Variants in KLF5 observed in about 807,000 individuals in gnomAD.
The protein encoded by KLF5 is KLF transcription factor 5, also known as Krueppel-like factor 5.
A neutral mutation model predicts 36.9 loss-of-function variants in KLF5; 9 were observed. The ratio of observed to expected loss-of-function variants is 0.24; its 90% confidence interval spans 0.15 to 0.43. KLF5 has a LOEUF of 0.43. KLF5 is among the 20% of genes least tolerant of loss of function. The pLI, the probability that KLF5 is intolerant of heterozygous loss-of-function variation, is 1.00. For missense variants in KLF5, 524 were observed against 599.5 expected (o/e 0.87, Z 1.31); for synonymous variants, 246 against 241.7 (o/e 1.02, Z -0.17).
chr13:73,062,611 A>G lies in KLF5; in HGVS notation c.1012A>G (p.Ile338Val), dbSNP rs776691693. The G allele has an allele frequency of 3.7e-6, 6 of 1,614,240 alleles. No individual in the cohort carries two copies. Among genetic ancestry groups the G allele is most frequent in the Non-Finnish European group, 5.1e-6 (6 of 1,180,048 alleles). The change falls in exon 2 of 4, where the codon ATT (isoleucine) becomes GTT (valine). Residue 338 changes from isoleucine (I) to valine (V), a missense_variant. By Grantham distance (29) the Ile-to-Val change is conservative. Transcript: ENST00000377687. ...YAATIASKLA[I>V]HNPNLPTTLP... ...TGCTACAATTGCTTCTAAACTGGCA[A>G]TTCACAATCCAAATTTACCCACCAC...
intron 3 of KLF5, among the ~76,000 whole-genome samples, chr13:73,066,770 G>T (rs1388296065): frequency 1.3e-5 from 2 of 152,130 alleles, no homozygotes; most frequent in Non-Finnish European, 2.9e-5. Flanking sequence ...TGATATATCA[G>T]TTTCTTAAAC....
Position 73,075,911 on chromosome 13 carries a change from G to C in KLF5, c.*25G>C. 6.6e-7 allele frequency: 1 copy of C among 1,513,164 alleles called. No homozygotes were observed. The highest frequency in any genetic ancestry group is 2.4e-5 in the East Asian group (1 of 42,470). 93.7% of individuals were successfully genotyped at this position (1,513,164 alleles called of 1,614,324 possible). On this transcript the variant is annotated 3_prime_UTR_variant, in exon 4 of 4. Transcript: ENST00000377687. ...AGCACTGCCCGTGTGACCCGTTCCAGGTCCCCTGGGCTCCCTCAAATGACA... is the reference window on the plus strand; with the variant it reads ...AGCACTGCCCGTGTGACCCGTTCCACGTCCCCTGGGCTCCCTCAAATGACA...
Sources: gnomAD v4.1 joint callset for allele counts (sites outside exome capture counted in the v4.1 genomes callset) on GRCh38, gnomAD v4.1.1 for gene constraint, MANE v1.5 for transcripts, NCBI Gene and HGNC (gene_info 2026-07-23, HGNC 2026-07-21) for gene names.